VPS13B: variants seen among roughly 807,000 people sequenced by gnomAD.
The protein encoded by VPS13B is vacuolar protein sorting 13 homolog B.
A neutral mutation model predicts 426.4 loss-of-function variants in VPS13B; 285 were observed. That is an observed-to-expected ratio of 0.67 (90% CI 0.61 to 0.74). The LOEUF (loss-of-function observed/expected upper bound fraction) is 0.74, where lower values mean the gene tolerates loss of function less well. VPS13B is among the 30% of genes least tolerant of loss of function. VPS13B has a pLI of 0.00. For synonymous variants in VPS13B, 1,676 were observed against 1,676.4 expected (o/e 1.00, Z 0.01); for missense variants, 4,537 against 4,782.6 (o/e 0.95, Z 1.51).
intron 2 of VPS13B, among the ~76,000 whole-genome samples, chr8:99,028,394 AC>A (rs34858148): frequency 1.4e-3 from 155 of 114,644 alleles, no homozygotes; most frequent in African/African-American, 1.5e-3. Flanking sequence ...CGGGGGGCTG[AC>A]CCCCCCCACC....
rs71273170 is a variant in VPS13B, at chr8:99,270,131, CTTTTT to C, written c.2516-4045_2516-4041del. On this transcript the variant is annotated intron_variant, in intron 17 of 61. Coordinates refer to ENST00000357162, the MANE Select transcript of VPS13B (RefSeq NM_152564.5). The stretch of plus-strand genomic sequence containing the variant: ...ATATAGGTATATAAGATATAAGAAT[CTTTTT>C]TTTTTTTTTTTTTTTTTTTTTGAGA... 3.0e-3 allele frequency among the ~76,000 whole-genome samples: 92 copies of C among 30,310 alleles called. 1 individual carries two copies. Among genetic ancestry groups the C allele is most frequent in the Middle Eastern group, 0.056 (1 of 18 alleles). The allele number at this position is 30,310 out of a possible 152,430, so 19.9% of individuals were successfully genotyped here. A position where few individuals can be genotyped will look rare whatever the true frequency, so the allele number is the denominator to read the frequency against.
At chr8:99,066,100 C>G (rs1587988381) in intron 3 of VPS13B, among the ~76,000 whole-genome samples, 1 of 152,316 alleles carries the variant, frequency 6.6e-6, no homozygotes, top group East Asian at 1.9e-4. Flanking sequence ...AGATTCAATG[C>G]CATCCCCATG....
intron 35 of VPS13B, among the ~76,000 whole-genome samples, chr8:99,665,114 T>C (rs955419126): frequency 6.6e-6 from 1 of 152,212 alleles, no homozygotes; most frequent in Non-Finnish European, 1.5e-5. Flanking sequence ...CATAAATGTC[T>C]TCTTTTGAGA....
intron 44 of VPS13B, among the ~76,000 whole-genome samples, chr8:99,812,437 C>T (rs997024786): frequency 2.6e-5 from 4 of 152,196 alleles, no homozygotes; most frequent in African/African-American, 9.7e-5. Context: ...TAAACTGCAG[C>T]TGCCTAATTA....
At chr8:99,838,173 C>A (rs1815491518) in intron 54 of VPS13B, among the ~76,000 whole-genome samples, 1 of 152,202 alleles carries the variant, frequency 6.6e-6, no homozygotes, top group Admixed American at 6.5e-5. Context: ...CCCTGGCTCA[C>A]ACCTAGTCAG....
chr8:99,614,028 C>T (rs1381534033), intron 33 of VPS13B: 1 of 152,304 alleles, frequency 6.6e-6, no homozygotes, highest in Non-Finnish European at 1.5e-5. Flanking sequence ...AAGCCATCCT[C>T]CTGCCTTAGC....
chr8:99,270,231 C>G (rs566922553), intron 17 of VPS13B, among the ~76,000 whole-genome samples: 125 of 138,226 alleles, frequency 9.0e-4, no homozygotes, highest in African/African-American at 3.1e-3. Context: ...CTCTGCCTCC[C>G]AGGCTCAGGC....
intron 21 of VPS13B, among the ~76,000 whole-genome samples, chr8:99,421,622 T>C (rs551634245): frequency 6.6e-6 from 1 of 152,250 alleles, no homozygotes; most frequent in African/African-American, 2.4e-5. Flanking sequence ...TATCTAAAAA[T>C]GGTGATAATA....
intron 3 of VPS13B, among the ~76,000 whole-genome samples, chr8:99,046,052 A>T (rs1443819675): frequency 6.6e-6 from 1 of 152,040 alleles, no homozygotes; most frequent in Admixed American, 6.6e-5. Context: ...TTTCCTACGA[A>T]TTTTAGGATT....
intron 19 of VPS13B, among the ~76,000 whole-genome samples, chr8:99,376,217 G>C (rs926844115): frequency 2.6e-5 from 4 of 152,248 alleles, no homozygotes; most frequent in African/African-American, 9.6e-5. Context: ...GATCTATGGT[G>C]GATGTGGTCT....
chr8:99,082,495 T>C (rs1380985715), intron 3 of VPS13B, among the ~76,000 whole-genome samples: 1 of 152,234 alleles, frequency 6.6e-6, no homozygotes, highest in African/African-American at 2.4e-5. Context: ...TTTTGGCTTT[T>C]GTTGCCATTG....
At chr8:99,546,152 T>C (rs1013191475) in intron 30 of VPS13B, among the ~76,000 whole-genome samples, 2 of 152,042 alleles carry the variant, frequency 1.3e-5, no homozygotes, top group African/African-American at 4.8e-5. Flanking sequence ...ACCGATTTTA[T>C]AATATTTGTG....
intron 3 of VPS13B, among the ~76,000 whole-genome samples, chr8:99,053,786 T>G (rs1195008808): frequency 6.7e-6 from 1 of 149,636 alleles, no homozygotes; most frequent in African/African-American, 2.5e-5. Context: ...CACTTCAACC[T>G]CTCCCTCCTG....
chr8:99,095,634 GT>G (rs1463812995), intron 3 of VPS13B, among the ~76,000 whole-genome samples: 2 of 152,106 alleles, frequency 1.3e-5, no homozygotes, highest in African/African-American at 4.8e-5. Flanking sequence ...ATTTATCCTT[GT>G]AAATCCAGCA....
At chr8:99,022,390 A>G (rs1407377786) in intron 2 of VPS13B, among the ~76,000 whole-genome samples, 4 of 152,146 alleles carry the variant, frequency 2.6e-5, no homozygotes, top group Admixed American at 1.3e-4. Flanking sequence ...TGGCTTACTT[A>G]GAAGTATATT....
intron 23 of VPS13B, among the ~76,000 whole-genome samples, chr8:99,461,924 G>T (rs1425351877): frequency 1.3e-5 from 2 of 152,074 alleles, no homozygotes; most frequent in Non-Finnish European, 1.5e-5. Context: ...AAAACAATGA[G>T]TACGTATTGC....
intron 3 of VPS13B, among the ~76,000 whole-genome samples, chr8:99,046,502 A>G (rs968738323): frequency 6.6e-6 from 1 of 152,120 alleles, no homozygotes; most frequent in East Asian, 1.9e-4. Flanking sequence ...AAACAGTGAC[A>G]GTTTGACTTC....
intron 19 of VPS13B, 137 bp from the exon 20 acceptor site, chr8:99,384,071 G>T: frequency 1.3e-6 from 1 of 756,730 alleles, no homozygotes; most frequent in Non-Finnish European, 2.3e-6. Flanking sequence ...ATCAGGGTTT[G>T]CATTCCTCCA....
intron 3 of VPS13B, among the ~76,000 whole-genome samples, chr8:99,055,795 T>A (rs1843815020): frequency 6.6e-6 from 1 of 152,060 alleles, no homozygotes; most frequent in Non-Finnish European, 1.5e-5. Flanking sequence ...AGTGATGTGA[T>A]CATGGCTCAC....
Sources: gnomAD v4.1 joint callset for allele counts (sites outside exome capture counted in the v4.1 genomes callset) on GRCh38, gnomAD v4.1.1 for gene constraint, MANE v1.5 for transcripts, NCBI Gene and HGNC (gene_info 2026-07-23, HGNC 2026-07-21) for gene names.